Variants in ANKRD28 observed in about 807,000 individuals in gnomAD.
The protein encoded by ANKRD28 is ankyrin repeat domain 28.
In ANKRD28, 44 loss-of-function variants were observed where a neutral mutation model predicts 126.5. That is an observed-to-expected ratio of 0.35 (90% CI 0.27 to 0.45). The LOEUF is 0.45. ANKRD28 is among the 20% of genes least tolerant of loss of function. The pLI is 1.00. For missense variants in ANKRD28, 1,110 were observed against 1,316.6 expected (o/e 0.84, Z 2.43); for synonymous variants, 442 against 468.5 (o/e 0.94, Z 0.73).
rs564654804 is a variant in ANKRD28 at position 15,859,580 on chromosome 3, C to CCCGCCGCCG, written c.-186_-178dup. On this transcript the variant is annotated 5_prime_UTR_variant, in exon 1 of 28. Transcript: ENST00000399451. Reference sequence around the variant, plus strand: ...GGGGGCGGCGCCGCCTCCCCGGCCGCCCGCCGCCGCCGCCGCCGCCGCCGC... The same window carrying CCCGCCGCCG: ...GGGGGCGGCGCCGCCTCCCCGGCCGCCCGCCGCCGCCGCCGCCGCCGCCGCCGCCGCCGC... 5.1e-4 allele frequency: 116 copies of CCCGCCGCCG among 228,828 alleles called. 1 individual carries two copies. The highest frequency in any genetic ancestry group is 2.1e-3 in the South Asian group (14 of 6,728). 14.2% of individuals were successfully genotyped at this position (228,828 alleles called of 1,614,324 possible). A position where few individuals can be genotyped will look rare whatever the true frequency, so the allele number is the denominator to read the frequency against.
intron 14 of ANKRD28, among the ~76,000 whole-genome samples, chr3:15,701,256 T>C (rs1252482958): frequency 6.6e-6 from 1 of 152,226 alleles, no homozygotes; most frequent in Non-Finnish European, 1.5e-5. Context: ...GAATCTTCAT[T>C]GTAATATCTT....
chr3:15,722,494 T>G (rs2073834612), intron 7 of ANKRD28, among the ~76,000 whole-genome samples: 1 of 152,192 alleles, frequency 6.6e-6, no homozygotes, highest in Non-Finnish European at 1.5e-5. Context: ...GTCCCTGTAA[T>G]AAACCACAAC....
At chr3:15,717,001 C>A (rs570660237) in intron 8 of ANKRD28, among the ~76,000 whole-genome samples, 4 of 152,238 alleles carry the variant, frequency 2.6e-5, no homozygotes, top group African/African-American at 9.6e-5. Context: ...ACCAAATCTA[C>A]TTCATATATA....
In ANKRD28 at chr3:15,847,978, C is replaced by T. The variant is rs577683019; in HGVS notation, c.27+11399G>A. On this transcript the variant is annotated intron_variant, in intron 1 of 27. Transcript: ENST00000399451. ...CTTATCTCCAACAGGGTCATTTCTT[C>T]TCACTTCAAGTCCTCTGTGTTGCAA... Among the ~76,000 whole-genome samples the T allele has an allele frequency of 1.8e-4, 28 of 152,330 alleles. No individual in the cohort carries two copies. In the South Asian group the frequency reaches 5.8e-3, roughly 32 times the overall value.
At chr3:15,855,880 T>C (rs1438637010) in intron 1 of ANKRD28, among the ~76,000 whole-genome samples, 1 of 152,192 alleles carries the variant, frequency 6.6e-6, no homozygotes, top group East Asian at 1.9e-4. Context: ...TTGGTGAACA[T>C]ACTAAAAACC....
chr3:15,795,359 A>ATGTAAAATATCCTTAGTC, intron 1 of ANKRD28, 53 bp from the exon 2 acceptor site: 1 of 1,248,508 alleles, frequency 8.0e-7, no homozygotes, highest in Non-Finnish European at 1.2e-6. Context: ...TGGGGTGACT[A>ATGTAAAATATCCTTAGTC]AGGATATTTT....
chr3:15,737,784 A>G (rs187510124), intron 4 of ANKRD28, among the ~76,000 whole-genome samples: 1 of 152,258 alleles, frequency 6.6e-6, no homozygotes, highest in Admixed American at 6.5e-5. Flanking sequence ...TCTTTGAACA[A>G]TTTTAAGCAA....
chr3:15,762,205 A>C (rs1575582674), intron 3 of ANKRD28, among the ~76,000 whole-genome samples: 1 of 31,398 alleles, frequency 3.2e-5, no homozygotes, highest in East Asian at 1.6e-3. Context: ...AAAAAAAAAA[A>C]AAAAAAAACA....
At chr3:15,847,776 C>T (rs2125986272) in intron 1 of ANKRD28, among the ~76,000 whole-genome samples, 1 of 152,364 alleles carries the variant, frequency 6.6e-6, no homozygotes, top group Non-Finnish European at 1.5e-5. Context: ...ACTACCAGTT[C>T]CACCTGCCTC....
At chr3:15,732,622 T>C (rs1399922577) in intron 6 of ANKRD28, 2 of 152,248 alleles carry the variant, frequency 1.3e-5, no homozygotes, top group Admixed American at 6.5e-5. Context: ...TATTACCTCA[T>C]ACTATGCCAC....
At position 15,774,042 on chromosome 3, in the gene ANKRD28, C is replaced by T. The variant is rs183900733; in HGVS notation, c.202-7730G>A. ...TTGATTTTTGACTAAAGTACAAAGG[C>T]AAGTCAATGTAGAAATAATCTTTTC... On this transcript the variant is annotated intron_variant, in intron 2 of 27. Coordinates refer to ENST00000683139, the MANE Select transcript of ANKRD28 (RefSeq NM_001349278.2). 6.4e-4 allele frequency among the ~76,000 whole-genome samples: 97 copies of T among 152,190 alleles called. 2 individuals are homozygous for T. The highest frequency in any genetic ancestry group is 3.7e-3 in the Admixed American group (57 of 15,292).
rs1030290144 is a variant in ANKRD28, at chr3:15,797,453, C to T, written c.-932G>A. The T allele has an allele frequency of 5.1e-6, 5 of 985,090 alleles. No homozygotes were observed. In the African/African-American group the frequency reaches 5.3e-5, roughly 10 times the overall value. The allele number at this position is 985,090 out of a possible 1,614,324, so 61.0% of individuals were successfully genotyped here. On this transcript the variant is annotated 5_prime_UTR_variant, in exon 1 of 28. Transcript: ENST00000683139. ...TGCTCCAGCAAAAGGGCACAGGCAC[C>T]AGGCAGAAATGGTGTTAGTGGAGAA...
At position 15,675,916 on chromosome 3, in the gene ANKRD28, G is replaced by C; in HGVS notation, c.2947C>G (p.Leu983Val). The C allele has an allele frequency of 1.2e-6, 2 of 1,611,044 alleles. No homozygotes were observed. The highest frequency in any genetic ancestry group is 1.7e-6 in the Non-Finnish European group (2 of 1,177,902). Reference sequence around the variant, plus strand: ...AACTTACCATTTTCATCTACTGCAAGCACACTTGCTCCTTTTCCCAAAAGT... The same window carrying C: ...AACTTACCATTTTCATCTACTGCAACCACACTTGCTCCTTTTCCCAAAAGT... Reference protein sequence around the residue: ...QELLGKGASVLAVDENGYTPA... With the variant: ...QELLGKGASVVAVDENGYTPA... Residue 983 changes from leucine (L) to valine (V), a missense_variant, in exon 27 of 28, where the codon CTT (leucine) becomes GTT (valine). Transcript: ENST00000683139.
At chr3:15,713,012 G>C (rs891780432) in intron 10 of ANKRD28, among the ~76,000 whole-genome samples, 1 of 152,092 alleles carries the variant, frequency 6.6e-6, no homozygotes, top group Non-Finnish European at 1.5e-5. Flanking sequence ...TTAGCAGGAG[G>C]ACTCATCTTT....
exon 1 of ANKRD28, chr3:15,859,695 G>A (rs1482117165): frequency 6.7e-6 from 1 of 149,712 alleles, no homozygotes; most frequent in Non-Finnish European, 1.4e-5. Flanking sequence ...TCCCTCTGCT[G>A]CCTGCCCTAC....
chr3:15,775,306 A>G (rs1202186895), intron 2 of ANKRD28, among the ~76,000 whole-genome samples: 1 of 152,220 alleles, frequency 6.6e-6, no homozygotes. Context: ...AGGAGGAAAA[A>G]TCAGTTTTTC....
intron 23 of ANKRD28, 116 bp from the exon 24 acceptor site, chr3:15,678,470 G>A: frequency 2.2e-6 from 2 of 918,286 alleles, no homozygotes; most frequent in South Asian, 2.2e-5. Flanking sequence ...GGCTACAAAA[G>A]CACTGCCTGT....
Position 15,724,517 on chromosome 3 carries a change from A to G in ANKRD28, c.648T>C (p.Ile216=). ...AIHWAAYMGH[I]EVVKLLVSHG... The stretch of plus-strand genomic sequence containing the variant: ...GCGACACAAGCAATTTCACTACTTC[A>G]ATGTGACCTAAAAATGTGTTTTTGA... Residue 216 remains isoleucine, a synonymous_variant, in exon 7 of 28, where the codon ATT becomes ATC. Transcript: ENST00000683139. The G allele has an allele frequency of 6.3e-7, 1 of 1,574,922 alleles. No individual in the cohort carries two copies. Among genetic ancestry groups the G allele is most frequent in the Non-Finnish European group, 8.6e-7 (1 of 1,159,362 alleles).
In ANKRD28 at chr3:15,686,122, G is replaced by C; in HGVS notation, c.2052-3C>G. 1 of 1,611,706 alleles carries C rather than the reference G, an allele frequency of 6.2e-7. No individual in the cohort carries two copies. The highest frequency in any genetic ancestry group is 8.5e-7 in the Non-Finnish European group (1 of 1,178,708). On this transcript the variant is annotated splice_polypyrimidine_tract_variant and splice_region_variant and intron_variant, in intron 19 of 27. Transcript: ENST00000683139. ...GAACAGATAGCATCAGAGGCGTCCT[G>C]AGCAACAACAGGAATAGGTTCAGTG...
Sources: allele counts gnomAD v4.1 joint callset (sites outside exome capture counted in the v4.1 genomes callset), GRCh38; gene constraint gnomAD v4.1.1; transcripts MANE v1.5; gene names NCBI Gene and HGNC (gene_info 2026-07-23, HGNC 2026-07-21).